The following OGFOD3 variants were observed in gnomAD, a reference collection of about 807,000 sequenced individuals.
The protein encoded by OGFOD3 is 2-oxoglutarate and iron-dependent oxygenase domain-containing protein 3.
OGFOD3 carries 35 observed loss-of-function variants against 39.8 expected under a neutral mutation model. The observed-to-expected ratio is 0.88, with a 90% CI of 0.67 to 1.17. The LOEUF (loss-of-function observed/expected upper bound fraction) is 1.17. Among genes scored for constraint, OGFOD3 ranks in the 50% most tolerant of loss-of-function variants. OGFOD3 has a pLI of 0.00. For missense variants in OGFOD3, 438 were observed against 454.5 expected (o/e 0.96, Z 0.33); for synonymous variants, 200 against 192.0 (o/e 1.04, Z -0.34).
chr17:82,415,328 C>A lies in OGFOD3; in HGVS notation c.304+70G>T, dbSNP rs942904423. 4.6e-5 allele frequency: 68 copies of A among 1,463,386 alleles called. No individual in the cohort carries two copies. Among genetic ancestry groups the A allele is most frequent in the Non-Finnish European group, 6.4e-5 (68 of 1,059,240 alleles). 90.7% of individuals were successfully genotyped at this position (1,463,386 alleles called of 1,614,324 possible). A position where few individuals can be genotyped will look rare whatever the true frequency, so the allele number is the denominator to read the frequency against. ...CATACCACATCCAACCCAATTCCCA[C>A]CCCTTCGTCGCAGCCAATGTCCTTT... On this transcript the variant is annotated intron_variant, in intron 2 of 8. Coordinates refer to ENST00000313056, the MANE Select transcript of OGFOD3 (RefSeq NM_024648.3). The surrounding 1 kb of genome is among the most constrained non-coding windows in gnomAD (Gnocchi z 5.3).
intron 7 of OGFOD3, among the ~76,000 whole-genome samples, chr17:82,399,593 C>G (rs1017788681): frequency 6.6e-6 from 1 of 152,194 alleles, no homozygotes; most frequent in African/African-American, 2.4e-5. Flanking sequence ...CCTCCCAGGC[C>G]GAAGCTCCGT....
chr17:82,412,728 C>G (rs1052710119), intron 2 of OGFOD3, among the ~76,000 whole-genome samples: 4 of 152,238 alleles, frequency 2.6e-5, no homozygotes, highest in Non-Finnish European at 5.9e-5. Context: ...TGGTTTGGTA[C>G]CAAGTGCAGC....
At position 82,415,522 on chromosome 17, in the gene OGFOD3, G is replaced by C. The variant is rs2053018647; in HGVS notation, c.180C>G (p.Leu60=). 1 of 1,613,510 alleles carries C rather than the reference G, an allele frequency of 6.2e-7. No individual in the cohort carries two copies. Among genetic ancestry groups the C allele is most frequent in the Admixed American group, 1.7e-5 (1 of 59,998 alleles). The change falls in exon 2 of 9, where the codon CTC becomes CTG. Residue 60 remains leucine (L), a synonymous_variant. Transcript: ENST00000313056. The surrounding 1 kb of genome is among the most constrained non-coding windows in gnomAD (Gnocchi z 5.3). ...GAGFVLTALL[L]WSSLGADDGV... is the part of the protein sequence containing the mutation. ...CGTCGTCGGCCCCCAAGCTGCTCCAGAGCAGGAGTGCGGTGAGCACAAAGC... is the reference window on the plus strand; with the variant it reads ...CGTCGTCGGCCCCCAAGCTGCTCCACAGCAGGAGTGCGGTGAGCACAAAGC...
intron 2 of OGFOD3, among the ~76,000 whole-genome samples, chr17:82,413,568 CAATAAT>C (rs755775469): frequency 1.3e-5 from 2 of 152,090 alleles, no homozygotes; most frequent in Non-Finnish European, 2.9e-5. Flanking sequence ...AGTTAAAAAA[CAATAAT>C]AATAAAAATT....
chr17:82,407,043 C>G (rs1433099283), intron 4 of OGFOD3, among the ~76,000 whole-genome samples: 1 of 152,128 alleles, frequency 6.6e-6, no homozygotes, highest in East Asian at 1.9e-4. Context: ...CATGGTGAAA[C>G]CCCATGTCTA....
chr17:82,404,115 G>T lies in OGFOD3; in HGVS notation c.546-25C>A. On this transcript the variant is annotated intron_variant, in intron 6 of 8. Transcript: ENST00000313056. The surrounding 1 kb of genome is among the most constrained non-coding windows in gnomAD (Gnocchi z 4.5). Reference sequence around the variant, plus strand: ...CCTGCAGAGGACACAATAGCCGTCAGCGCAGCCCCAGGCGGGAGGGGACGC... The same window carrying T: ...CCTGCAGAGGACACAATAGCCGTCATCGCAGCCCCAGGCGGGAGGGGACGC... 6.4e-7 allele frequency: 1 copy of T among 1,552,018 alleles called. No homozygotes were observed. Among genetic ancestry groups the T allele is most frequent in the Non-Finnish European group, 8.7e-7 (1 of 1,145,256 alleles).
Position 82,406,610 on chromosome 17 carries a change from T to A in OGFOD3, c.424-128A>T. On this transcript the variant is annotated intron_variant, in intron 4 of 8. Coordinates refer to ENST00000313056, the MANE Select transcript of OGFOD3 (RefSeq NM_024648.3). This position sits in a 1 kb window ranked among gnomAD's most constrained non-coding sequence, Gnocchi z 5.2. Reference sequence around the variant, plus strand: ...CACCTCAGGTGTTTTTTTGTTTTTGTTTTTGTTTTTTGTAAAAAGGATCTT... The same window carrying A: ...CACCTCAGGTGTTTTTTTGTTTTTGATTTTGTTTTTTGTAAAAAGGATCTT... 1 of 769,176 alleles carries A rather than the reference T, an allele frequency of 1.3e-6. No individual in the cohort carries two copies. The highest frequency in any genetic ancestry group is 2.2e-6 in the Non-Finnish European group (1 of 447,370). The allele number at this position is 769,176 out of a possible 1,614,324, so 47.6% of individuals were successfully genotyped here.
At chr17:82,411,667 G>A in intron 2 of OGFOD3, 137 bp from the exon 3 acceptor site, 2 of 665,308 alleles carry the variant, frequency 3.0e-6, no homozygotes. Context: ...GCTCTCCAGC[G>A]TGCATGCGCT....
At chr17:82,393,201 T>C (rs1286675495) in intron 8 of OGFOD3, 1 of 152,276 alleles carries the variant, frequency 6.6e-6, no homozygotes, top group African/African-American at 2.4e-5. Flanking sequence ...CGTTCACCGC[T>C]GGACACAGCC....
intron 4 of OGFOD3, among the ~76,000 whole-genome samples, chr17:82,407,015 C>T (rs1190571965): frequency 6.6e-6 from 1 of 152,132 alleles, no homozygotes; most frequent in African/African-American, 2.4e-5. Context: ...GCCAGGAGTT[C>T]AAAACCAGCC....
intron 2 of OGFOD3, among the ~76,000 whole-genome samples, chr17:82,414,010 G>C (rs2052995115): frequency 6.6e-6 from 1 of 151,978 alleles, no homozygotes; most frequent in African/African-American, 2.4e-5. Flanking sequence ...GGTGGCATCG[G>C]GCACAATAGC....
At chr17:82,403,496 G>C (rs1599693663) in intron 7 of OGFOD3, among the ~76,000 whole-genome samples, 1 of 152,130 alleles carries the variant, frequency 6.6e-6, no homozygotes, top group African/African-American at 2.4e-5. Context: ...GCGAGGCCTG[G>C]TGGGGCATGC....
chr17:82,400,602 T>C (rs974906208), intron 7 of OGFOD3: 4 of 152,174 alleles, frequency 2.6e-5, no homozygotes, highest in Non-Finnish European at 4.4e-5. Context: ...CTCAGGACTG[T>C]GGTTACCTGT....
chr17:82,405,366 T>C lies in OGFOD3; in HGVS notation c.503A>G (p.Lys168Arg), dbSNP rs1480044829. ...FVNLYRYFGD[K>R]IQNIFSEEDF... ...CTCCTCTGAGAAGATGTTCTGTATT[T>C]TATCCCCGAAGTATCTGTGAAAAAA... The change falls in exon 6 of 9, where the codon AAA becomes AGA. Residue 168 changes from lysine (K) to arginine (R), a missense_variant. Physicochemically the swap from Lys to Arg is conservative, Grantham distance 26. Transcript: ENST00000313056. The C allele has an allele frequency of 6.2e-7, 1 of 1,613,870 alleles. No individual in the cohort carries two copies. The highest frequency in any genetic ancestry group is 1.3e-5 in the African/African-American group (1 of 74,942).
At chr17:82,405,142 C>T (rs113513440) in intron 6 of OGFOD3, among the ~76,000 whole-genome samples, 182 bp downstream of exon 6, 9 of 152,374 alleles carry the variant, frequency 5.9e-5, no homozygotes, top group African/African-American at 1.7e-4. Flanking sequence ...TTCACCGACC[C>T]GGGCGCATCC....
At chr17:82,403,856 GC>G in intron 7 of OGFOD3, 80 bp downstream of exon 7, 1 of 1,484,268 alleles carries the variant, frequency 6.7e-7, no homozygotes, top group Non-Finnish European at 9.1e-7. Flanking sequence ...CGCTCACCCT[GC>G]CCACGTGCGC....
chr17:82,392,371 C>A lies in OGFOD3; in HGVS notation c.*27G>T, dbSNP rs767058019. On this transcript the variant is annotated 3_prime_UTR_variant, in exon 9 of 9. Coordinates refer to ENST00000313056, the MANE Select transcript of OGFOD3 (RefSeq NM_024648.3). This position sits in a 1 kb window ranked among gnomAD's most constrained non-coding sequence, Gnocchi z 4.2. ...CGCGGCTGCCTCCACACGGGCCCTC[C>A]TGAAGTTACCTTGGCCCGGCTGCTG... 6.2e-7 allele frequency: 1 copy of A among 1,602,484 alleles called. No individual in the cohort carries two copies. The highest frequency in any genetic ancestry group is 8.5e-7 in the Non-Finnish European group (1 of 1,175,958).
At chr17:82,403,276 T>C (rs2052795331) in intron 7 of OGFOD3, among the ~76,000 whole-genome samples, 2 of 152,120 alleles carry the variant, frequency 1.3e-5, no homozygotes, top group African/African-American at 4.8e-5. Flanking sequence ...GAAATTTTAT[T>C]TCTCCAACTC....
At position 82,415,720 on chromosome 17, in the gene OGFOD3, C is replaced by T. The variant is rs1015425735; in HGVS notation, c.75-93G>A. On this transcript the variant is annotated intron_variant, in intron 1 of 8. Transcript: ENST00000313056. This position sits in a 1 kb window ranked among gnomAD's most constrained non-coding sequence, Gnocchi z 5.3. Reference sequence around the variant, plus strand: ...TCAAAGTGCATGCACCATGACCCGGCCTTCACTCACACGTCACCCCTGAAA... The same window carrying T: ...TCAAAGTGCATGCACCATGACCCGGTCTTCACTCACACGTCACCCCTGAAA... The T allele has an allele frequency of 9.7e-6, 11 of 1,129,454 alleles. No individual in the cohort carries two copies. Among genetic ancestry groups the T allele is most frequent in the African/African-American group, 1.6e-5 (1 of 64,396 alleles). 70.0% of individuals were successfully genotyped at this position (1,129,454 alleles called of 1,614,324 possible).
Sources: allele counts gnomAD v4.1 joint callset (sites outside exome capture counted in the v4.1 genomes callset), GRCh38; gene constraint gnomAD v4.1.1; non-coding constraint Gnocchi (gnomAD v3.1); transcripts MANE v1.5; gene names NCBI Gene and HGNC (gene_info 2026-07-23, HGNC 2026-07-21).